The following KIAA1671 variants were observed in gnomAD, a reference collection of about 807,000 sequenced individuals.
KIAA1671 encodes uncharacterized protein KIAA1671.
In KIAA1671, 52 loss-of-function variants were observed where a neutral mutation model predicts 131.2. The ratio of observed to expected loss-of-function variants is 0.40; its 90% CI spans 0.32 to 0.50. The LOEUF (loss-of-function observed/expected upper bound fraction) is 0.50, where lower values mean the gene tolerates loss of function less well. KIAA1671 is among the 20% of genes least tolerant of loss of function. The pLI is 0.73. For missense variants in KIAA1671, 2,360 were observed against 2,364.2 expected, an observed-to-expected ratio of 1.00 and a Z score of 0.04; for synonymous variants, 1,003 against 961.6, an observed-to-expected ratio of 1.04 and a Z score of -0.80.
At chr22:24,966,334 G>C (rs576496276) in intron 1 of KIAA1671, among the ~76,000 whole-genome samples, 2 of 152,350 alleles carry the variant, frequency 1.3e-5, no homozygotes, top group East Asian at 3.9e-4. Context: ...CAGAAGGGGA[G>C]CCCAGCGGGT....
In KIAA1671 at chr22:25,062,058, CT is replaced by C. The variant is rs1438177098; in HGVS notation, c.4530+12699del. 3 of 126,766 alleles carry C rather than the reference CT, an allele frequency of 2.4e-5. No individual in the cohort carries two copies. In the East Asian group the frequency reaches 6.6e-4, roughly 28 times the overall value. 7.9% of individuals were successfully genotyped at this position (126,766 alleles called of 1,614,324 possible). On this transcript the variant is annotated intron_variant, in intron 6 of 12. Coordinates refer to ENST00000358431, the MANE Select transcript of KIAA1671 (RefSeq NM_001145206.2). The stretch of plus-strand genomic sequence containing the variant: ...CTCCTCCTTCTGCACTTTTTTTTTT[CT>C]TTTTAAAAATCAAGACAGGGTCTGG...
intron 6 of KIAA1671, among the ~76,000 whole-genome samples, chr22:25,152,664 G>A (rs947653327): frequency 2.6e-5 from 4 of 152,126 alleles, no homozygotes; most frequent in Non-Finnish European, 4.4e-5. Flanking sequence ...ATGCAGTGGC[G>A]CGATCTTGGC....
rs1926623315 is a variant in KIAA1671, at chr22:25,036,793, G to A, written c.1630-1967G>A. Among the ~76,000 whole-genome samples the A allele has an allele frequency of 1.3e-5, 2 of 152,068 alleles. 1 individual carries two copies. The highest frequency in any genetic ancestry group is 4.1e-4 in the South Asian group (2 of 4,822). ...AAAAAAATTAGCCAGGCGTGGTGGT[G>A]CATGCCTGTAATCCCAGCCACTCGG... is the stretch of plus-strand genomic sequence containing the variant. On this transcript the variant is annotated intron_variant, in intron 4 of 12. Coordinates refer to ENST00000358431, the MANE Select transcript of KIAA1671 (RefSeq NM_001145206.2).
At chr22:25,183,443 TC>T (rs1934360222) in intron 10 of KIAA1671, among the ~76,000 whole-genome samples, 1 of 53,900 alleles carries the variant, frequency 1.9e-5, no homozygotes, top group African/African-American at 7.8e-5. Context: ...CCTCCCTCCC[TC>T]CCTCCCTCCC....
Position 25,197,058 on chromosome 22 carries a change from G to A in KIAA1671, c.*4657G>A, listed in dbSNP as rs1934851864. 6.6e-6 allele frequency: 1 copy of A among 152,136 alleles called. No homozygotes were observed. Among genetic ancestry groups the A allele is most frequent in the East Asian group, 1.9e-4 (1 of 5,190 alleles). 9.4% of individuals were successfully genotyped at this position (152,136 alleles called of 1,614,324 possible). On this transcript the variant is annotated 3_prime_UTR_variant, in exon 13 of 13. Transcript: ENST00000358431. The stretch of plus-strand genomic sequence containing the variant: ...GAGTCACGATAGAAAAGGAGCTCGA[G>A]TTCTTTGTGTAGGAAAGTTAAGCTT...
chr22:24,953,608 G>C (rs945446290), intron 1 of KIAA1671, among the ~76,000 whole-genome samples: 1 of 151,978 alleles, frequency 6.6e-6, no homozygotes, highest in Non-Finnish European at 1.5e-5. Flanking sequence ...CGGCCCACCC[G>C]GGCTCACGGG....
intron 6 of KIAA1671, among the ~76,000 whole-genome samples, chr22:25,078,207 G>A (rs914958331): frequency 4.6e-5 from 7 of 152,174 alleles, no homozygotes; most frequent in Non-Finnish European, 8.8e-5. Context: ...TTGGCCCAGT[G>A]CCTGGCACAT....
chr22:25,195,148 C>T lies in KIAA1671; in HGVS notation c.*2747C>T, dbSNP rs1319930391. The T allele has an allele frequency of 6.6e-6, 1 of 152,090 alleles. No homozygotes were observed. Among genetic ancestry groups the T allele is most frequent in the African/African-American group, 2.4e-5 (1 of 41,388 alleles). 9.4% of individuals were successfully genotyped at this position (152,090 alleles called of 1,614,324 possible). On this transcript the variant is annotated 3_prime_UTR_variant, in exon 13 of 13. Transcript: ENST00000358431. ...GAGAGTTTCATGCAGAATGGAAAAT[C>T]CTCTATATGTACAATCTCTCTCCCC...
intron 6 of KIAA1671, among the ~76,000 whole-genome samples, chr22:25,093,764 C>CTCTCTCTCTCTCTCTCTG (rs1930202264): frequency 9.3e-6 from 1 of 107,628 alleles, no homozygotes; most frequent in Non-Finnish European, 2.0e-5. Flanking sequence ...CTCTCTCTCT[C>CTCTCTCTCTCTCTCTCTG]TCTGTCTCTC....
chr22:25,182,117 T>G (rs1182994381), intron 10 of KIAA1671, among the ~76,000 whole-genome samples: 2 of 151,864 alleles, frequency 1.3e-5, no homozygotes, highest in Non-Finnish European at 2.9e-5. Flanking sequence ...AGGCGGAGCT[T>G]GCAGTAAGCC....
chr22:25,136,696 C>T (rs191823427), intron 6 of KIAA1671, among the ~76,000 whole-genome samples: 102 of 152,316 alleles, frequency 6.7e-4, no homozygotes, highest in Non-Finnish European at 1.2e-3. Context: ...GCCAAAGATG[C>T]TTGTCTGTGT....
At chr22:25,190,905 G>A (rs1934652761) in intron 12 of KIAA1671, 121 bp downstream of exon 12, 1 of 692,046 alleles carries the variant, frequency 1.4e-6, no homozygotes, top group Non-Finnish European at 2.5e-6. Flanking sequence ...GCTGTGTAAG[G>A]GGAAGAATGA....
At position 25,003,400 on chromosome 22, in the gene KIAA1671, A is replaced by ATTTTTTTTTTTTT. The variant is rs71191013; in HGVS notation, c.-207-22216_-207-22204dup. Among the ~76,000 whole-genome samples, 7 of 113,844 alleles carry ATTTTTTTTTTTTT rather than the reference A, an allele frequency of 6.1e-5. 1 individual carries two copies. The highest frequency in any genetic ancestry group is 2.9e-4 in the African/African-American group (7 of 23,814). The allele number at this position is 113,844 out of a possible 152,430, so 74.7% of individuals were successfully genotyped here. A position where few individuals can be genotyped will look rare whatever the true frequency, so the allele number is the denominator to read the frequency against. The stretch of plus-strand genomic sequence containing the variant: ...GCCTTATCTCCTTTCACTTGGAGAG[A>ATTTTTTTTTTTTT]TTTTTTTTTTTTTTTTTTTTTTTTT... On this transcript the variant is annotated intron_variant, in intron 1 of 12. Coordinates refer to ENST00000358431, the MANE Select transcript of KIAA1671 (RefSeq NM_001145206.2).
chr22:25,191,795 A>G lies in KIAA1671; in HGVS notation c.*5-611A>G, dbSNP rs141259416. 1.3e-4 allele frequency among the ~76,000 whole-genome samples: 20 copies of G among 152,242 alleles called. No homozygotes were observed. The East Asian group carries it at 3.3e-3, about 25-fold the overall frequency. ...TCACCATCCCTTATCCACAAAGCCAAATTCCAGAAAGCCCTGCAAAACAAA... is the reference window on the plus strand; with the variant it reads ...TCACCATCCCTTATCCACAAAGCCAGATTCCAGAAAGCCCTGCAAAACAAA... On this transcript the variant is annotated intron_variant, in intron 12 of 12. Transcript: ENST00000358431.
intron 5 of KIAA1671, among the ~76,000 whole-genome samples, chr22:25,044,676 T>A (rs1193906516): frequency 6.6e-6 from 1 of 151,742 alleles, no homozygotes; most frequent in African/African-American, 2.4e-5. Flanking sequence ...AAGGAAAAAA[T>A]GTTGGTTGTT....
intron 6 of KIAA1671, among the ~76,000 whole-genome samples, chr22:25,107,681 C>T (rs1179046156): frequency 6.6e-6 from 1 of 151,784 alleles, no homozygotes; most frequent in Non-Finnish European, 1.5e-5. Context: ...AGCCACAGCA[C>T]CCAGCACTCC....
rs1034952982 is a variant in KIAA1671, at chr22:24,970,647, G to A, written c.-208+17875G>A. On this transcript the variant is annotated intron_variant, in intron 1 of 12. Transcript: ENST00000358431. ...ATCTAGTACAGGGGTCCAATCTTTC[G>A]GCTTCCCTGGGCCACACTGGAAGAA... Among the ~76,000 whole-genome samples the A allele has an allele frequency of 5.3e-5, 8 of 150,778 alleles. No homozygotes were observed. In the East Asian group the frequency reaches 5.9e-4, roughly 11 times the overall value.
At chr22:25,190,902 A>C in intron 12 of KIAA1671, 118 bp downstream of exon 12, 2 of 668,986 alleles carry the variant, frequency 3.0e-6, no homozygotes, top group African/African-American at 1.8e-5. Context: ...GAGGCTGTGT[A>C]AGGGGAAGAA....
chr22:24,997,891 G>A (rs1924224922), intron 1 of KIAA1671, among the ~76,000 whole-genome samples: 2 of 152,104 alleles, frequency 1.3e-5, no homozygotes, highest in Non-Finnish European at 2.9e-5. Flanking sequence ...AGTAATTGCT[G>A]TTCTACCTTC....
Sources: allele counts gnomAD v4.1 joint callset (sites outside exome capture counted in the v4.1 genomes callset), GRCh38; gene constraint gnomAD v4.1.1; transcripts MANE v1.5; gene names NCBI Gene and HGNC (gene_info 2026-07-23, HGNC 2026-07-21).